Variants in ATP11B observed in about 807,000 individuals in gnomAD.
The protein encoded by ATP11B is ATPase phospholipid transporting 11B (putative), also known as phospholipid-transporting ATPase IF.
In ATP11B, 81 loss-of-function variants were observed where a neutral mutation model predicts 157.8. The observed-to-expected ratio is 0.51, with a 90% confidence interval of 0.43 to 0.62. The LOEUF is 0.62. Among genes scored for constraint, ATP11B ranks in the 20% least tolerant of loss-of-function variants. The pLI, the probability that ATP11B is intolerant of heterozygous loss-of-function variation, is 0.00. For synonymous variants in ATP11B, 451 were observed against 469.4 expected (o/e 0.96, Z 0.51); for missense variants, 1,165 against 1,402.2 (o/e 0.83, Z 2.70).
intron 29 of ATP11B, chr3:182,916,294 A>G: frequency 1.0e-6 from 1 of 985,340 alleles, no homozygotes; most frequent in Non-Finnish European, 1.2e-6. Context: ...TGAGACTGCC[A>G]TTCCAAGATG....
intron 23 of ATP11B, among the ~76,000 whole-genome samples, chr3:182,887,145 T>C (rs1400499173): frequency 6.6e-6 from 1 of 152,190 alleles, no homozygotes; most frequent in Non-Finnish European, 1.5e-5. Context: ...CAGAGTTTCA[T>C]GGAAGAAGAT....
At chr3:182,853,097 T>C (rs1720103422) in intron 10 of ATP11B, among the ~76,000 whole-genome samples, 20 of 152,154 alleles carry the variant, frequency 1.3e-4, no homozygotes, top group Admixed American at 1.3e-3. Flanking sequence ...CGAAGTAAAA[T>C]TGTCCTACTG....
rs1207380552 is a variant in ATP11B at position 182,869,232 on chromosome 3, G to A, written c.1767G>A (p.Glu589=). ...MSVIVQAPSG[E]KLLFAKGAES... is the part of the protein sequence containing the mutation. ...ACTCATTTTTTTTGTCTCTAGGTGAGAAGTTATTATTTGCTAAAGGAGCTG... is the reference window on the plus strand; with the variant it reads ...ACTCATTTTTTTTGTCTCTAGGTGAAAAGTTATTATTTGCTAAAGGAGCTG... Residue 589 remains glutamate, a synonymous_variant, in exon 17 of 30, where the codon GAG becomes GAA. Coordinates refer to ENST00000323116, the MANE Select transcript of ATP11B (RefSeq NM_014616.3). 1.2e-6 allele frequency: 2 copies of A among 1,607,030 alleles called. No homozygotes were observed. The highest frequency in any genetic ancestry group is 2.7e-5 in the African/African-American group (2 of 74,594).
rs1442880494 is a variant in ATP11B, at chr3:182,836,443, T to A, written c.525T>A (p.Ala175=). 1.2e-6 allele frequency: 2 copies of A among 1,613,968 alleles called. No homozygotes were observed. Among genetic ancestry groups the A allele is most frequent in the South Asian group, 1.1e-5 (1 of 91,074 alleles). The part of the protein sequence containing the change: ...RLDGSCHVTT[A]SLDGETNLKT... ...ATGGTTCCTGTCACGTTACAACTGCTAGTTTGGACGGAGAAACTAACCTGA... is the reference window on the plus strand; with the variant it reads ...ATGGTTCCTGTCACGTTACAACTGCAAGTTTGGACGGAGAAACTAACCTGA... Residue 175 remains alanine, a synonymous_variant, in exon 6 of 30, where the codon GCT becomes GCA. Transcript: ENST00000323116.
At chr3:182,890,631 A>G (rs963223085) in intron 25 of ATP11B, among the ~76,000 whole-genome samples, 3 of 152,216 alleles carry the variant, frequency 2.0e-5, no homozygotes, top group African/African-American at 7.2e-5. Context: ...TTTTGAGGAC[A>G]TATTTAGACT....
chr3:182,897,437 T>C (rs1488358256), intron 27 of ATP11B, 31 bp downstream of exon 27: 1 of 1,366,790 alleles, frequency 7.3e-7, no homozygotes, highest in Non-Finnish European at 1.0e-6. Context: ...TTAATTGGAT[T>C]GCTTCAACTA....
rs549769497 is a variant in ATP11B at position 182,795,690 on chromosome 3, T to G, written c.27+1904T>G. ...ATACTTGGGCCAATGTAGGACTTTG[T>G]GTCTCTGGTTAAGTTTGTATGATCA... On this transcript the variant is annotated intron_variant, in intron 1 of 29. Transcript: ENST00000323116. Among the ~76,000 whole-genome samples, 10 of 152,352 alleles carry G rather than the reference T, an allele frequency of 6.6e-5. No individual in the cohort carries two copies. The South Asian group carries it at 2.1e-3, about 32-fold the overall frequency.
At chr3:182,875,841 A>T (rs1722003615) in intron 19 of ATP11B, among the ~76,000 whole-genome samples, 2 of 152,234 alleles carry the variant, frequency 1.3e-5, no homozygotes, top group Admixed American at 6.5e-5. Context: ...ATTTGGGGAC[A>T]GTGTCAACAA....
chr3:182,848,407 A>C, intron 9 of ATP11B, 69 bp from the exon 10 acceptor site: 1 of 921,508 alleles, frequency 1.1e-6, no homozygotes, highest in Non-Finnish European at 1.5e-6. Flanking sequence ...TCATGCTGGT[A>C]AATATATTTA....
chr3:182,830,538 A>G (rs565458967), intron 4 of ATP11B, among the ~76,000 whole-genome samples: 1 of 152,302 alleles, frequency 6.6e-6, no homozygotes, highest in East Asian at 1.9e-4. Flanking sequence ...CTACTTCTCA[A>G]AAAGGTCTTG....
At chr3:182,879,189 A>C (rs1722252541) in intron 19 of ATP11B, among the ~76,000 whole-genome samples, 2 of 152,162 alleles carry the variant, frequency 1.3e-5, no homozygotes. Context: ...GAATCACTTA[A>C]GCCCAGGAGG....
At chr3:182,842,010 CA>C (rs1236089407) in intron 7 of ATP11B, 64 bp from the exon 8 acceptor site, 7 of 897,908 alleles carry the variant, frequency 7.8e-6, no homozygotes, top group Non-Finnish European at 6.6e-6. Context: ...AAGGATGGTG[CA>C]AAAAAACAGC....
intron 2 of ATP11B, among the ~76,000 whole-genome samples, chr3:182,824,538 C>G (rs1717590728): frequency 6.6e-6 from 1 of 152,038 alleles, no homozygotes. Flanking sequence ...CTTTATAATT[C>G]TTATCTGCTG....
At chr3:182,842,437 T>C (rs1013135888) in intron 8 of ATP11B, among the ~76,000 whole-genome samples, 6 of 152,166 alleles carry the variant, frequency 3.9e-5, no homozygotes, top group Non-Finnish European at 7.3e-5. Context: ...GGCCAGATAC[T>C]GGGGAAGGGT....
intron 25 of ATP11B, 72 bp from the exon 26 acceptor site, chr3:182,896,628 A>ATTAT: frequency 7.7e-7 from 1 of 1,299,176 alleles, no homozygotes; most frequent in Non-Finnish European, 1.1e-6. Flanking sequence ...TTAGTAGAGA[A>ATTAT]TTAAATGACT....
At chr3:182,907,654 C>T (rs77915809) in intron 28 of ATP11B, among the ~76,000 whole-genome samples, 79 of 152,222 alleles carry the variant, frequency 5.2e-4, no homozygotes, top group African/African-American at 1.9e-3. Context: ...TCTGATTGAG[C>T]GCCAAAGAAA....
At chr3:182,889,300 T>A (rs1723011644) in intron 24 of ATP11B, 110 bp from the exon 25 acceptor site, 1 of 798,948 alleles carries the variant, frequency 1.3e-6, no homozygotes, top group African/African-American at 1.8e-5. Context: ...TTTCAAGCAA[T>A]TTTAAATTAA....
At chr3:182,879,801 T>C (rs1159148729) in intron 20 of ATP11B, 152 bp downstream of exon 20, 2 of 663,094 alleles carry the variant, frequency 3.0e-6, no homozygotes, top group Non-Finnish European at 2.3e-6. Flanking sequence ...ATTTTAATCA[T>C]GTACATCAGA....
At chr3:182,905,390 C>T (rs1724273908) in intron 28 of ATP11B, among the ~76,000 whole-genome samples, 1 of 152,148 alleles carries the variant, frequency 6.6e-6, no homozygotes, top group African/African-American at 2.4e-5. Flanking sequence ...CTCAACATTT[C>T]TAAGGCCATG....
Sources: gnomAD v4.1 joint callset for allele counts (sites outside exome capture counted in the v4.1 genomes callset) on GRCh38, gnomAD v4.1.1 for gene constraint, MANE v1.5 for transcripts, NCBI Gene and HGNC (gene_info 2026-07-23, HGNC 2026-07-21) for gene names.